HTR4: variants seen among roughly 807,000 people sequenced by gnomAD.
The protein encoded by HTR4 is 5-hydroxytryptamine receptor 4.
A neutral mutation model predicts 36.8 loss-of-function variants in HTR4; 16 were observed. The ratio of observed to expected loss-of-function variants is 0.43; its 90% CI spans 0.29 to 0.66. The LOEUF is 0.66. Among genes scored for constraint, HTR4 ranks in the 30% least tolerant of loss-of-function variants. The pLI, the probability that HTR4 is intolerant of heterozygous loss-of-function variation, is 0.13. For missense variants in HTR4, 438 were observed against 490.9 expected, an observed-to-expected ratio of 0.89 and a Z score of 1.02; for synonymous variants, 189 against 185.1, an observed-to-expected ratio of 1.02 and a Z score of -0.17.
intron 5 of HTR4, among the ~76,000 whole-genome samples, chr5:148,513,299 A>G (rs1757582831): frequency 1.3e-5 from 2 of 152,164 alleles, no homozygotes; most frequent in Non-Finnish European, 2.9e-5. Context: ...CAGTTTTTAC[A>G]TTTAATGCTT....
chr5:148,628,069 G>T (rs915739850), intron 2 of HTR4, among the ~76,000 whole-genome samples: 8 of 152,216 alleles, frequency 5.3e-5, no homozygotes, highest in Admixed American at 1.3e-4. Context: ...ATTCCAGAGT[G>T]CCCAGCTTCC....
chr5:148,523,084 G>A, intron 5 of HTR4, 109 bp downstream of exon 5: 1 of 1,073,200 alleles, frequency 9.3e-7, no homozygotes, highest in Admixed American at 2.6e-5. Flanking sequence ...TTATCACCCA[G>A]ACCACTATCA....
intron 2 of HTR4, among the ~76,000 whole-genome samples, chr5:148,582,883 G>T (rs1379450267): frequency 6.6e-6 from 1 of 151,974 alleles, no homozygotes; most frequent in African/African-American, 2.4e-5. Flanking sequence ...TCTGCAAACA[G>T]GGACAATTTG....
At chr5:148,480,482 A>G (rs1755840971), downstream of HTR4, among the ~76,000 whole-genome samples, 1 of 152,166 alleles carries the variant, frequency 6.6e-6, no homozygotes, top group Non-Finnish European at 1.5e-5. Flanking sequence ...GGATTTAAGC[A>G]ATTCTCCTGC....
intron 5 of HTR4, chr5:148,465,916 G>GGAAC: frequency 6.2e-7 from 1 of 1,613,314 alleles, no homozygotes; most frequent in Non-Finnish European, 8.5e-7. Context: ...TGGAGACAGG[G>GGAAC]GAACAGCCAC....
chr5:148,511,715 G>A (rs1757508989), intron 5 of HTR4, among the ~76,000 whole-genome samples: 1 of 151,176 alleles, frequency 6.6e-6, no homozygotes, highest in Non-Finnish European at 1.5e-5. Flanking sequence ...CATAGCTTGG[G>A]TATATACAGC....
At chr5:148,467,592 A>G (rs1755460602) in intron 5 of HTR4, among the ~76,000 whole-genome samples, 1 of 152,248 alleles carries the variant, frequency 6.6e-6, no homozygotes, top group Non-Finnish European at 1.5e-5. Flanking sequence ...AATGTCACAC[A>G]ATAATGTTAA....
At chr5:148,576,559 A>C (rs142484499) in intron 2 of HTR4, among the ~76,000 whole-genome samples, 9 of 152,216 alleles carry the variant, frequency 5.9e-5, no homozygotes, top group Non-Finnish European at 1.2e-4. Flanking sequence ...ATGTTACCTG[A>C]CTTCAAACTC....
intron 6 of HTR4, among the ~76,000 whole-genome samples, chr5:148,488,021 T>C (rs1300287903): frequency 6.6e-6 from 1 of 152,198 alleles, no homozygotes; most frequent in African/African-American, 2.4e-5. Flanking sequence ...TTAGGTGCTT[T>C]TCATGTGATG....
chr5:148,479,967 A>T (rs899487994), downstream of HTR4, among the ~76,000 whole-genome samples: 4 of 152,198 alleles, frequency 2.6e-5, no homozygotes, highest in African/African-American at 9.7e-5. Flanking sequence ...GATCAGGAAA[A>T]TTTTCAAAAG....
intron 2 of HTR4, among the ~76,000 whole-genome samples, chr5:148,614,247 A>G (rs957881048): frequency 2.0e-5 from 3 of 152,096 alleles, no homozygotes; most frequent in Non-Finnish European, 4.4e-5. Context: ...CAAAAGAACA[A>G]AGCTGGAGGC....
At chr5:148,627,157 T>G (rs1753141553) in intron 2 of HTR4, among the ~76,000 whole-genome samples, 1 of 152,184 alleles carries the variant, frequency 6.6e-6, no homozygotes, top group African/African-American at 2.4e-5. Context: ...CTCAGGCCCC[T>G]CCTCTTGTCA....
At position 148,644,422 on chromosome 5, in the gene HTR4, GTTTTTTTT is replaced by G. The variant is rs1175588280; in HGVS notation, c.-47-7369_-47-7362del. Among the ~76,000 whole-genome samples, 87 of 40,604 alleles carry G rather than the reference GTTTTTTTT, an allele frequency of 2.1e-3. 1 individual carries two copies. In the East Asian group the frequency reaches 0.041, roughly 19 times the overall value. 26.6% of individuals were successfully genotyped at this position (40,604 alleles called of 152,430 possible). ...AGATGAATAGGTCTCAAGCTCACAA[GTTTTTTTT>G]TTTTTTTTTTTTTTTTTTTTTTTTT... On this transcript the variant is annotated intron_variant, in intron 1 of 6. Transcript: ENST00000377888.
intron 6 of HTR4, among the ~76,000 whole-genome samples, chr5:148,489,661 A>G (rs1224711432): frequency 6.6e-6 from 1 of 152,196 alleles, no homozygotes; most frequent in Non-Finnish European, 1.5e-5. Flanking sequence ...CAGAGACAAT[A>G]TAATTCGCTA....
chr5:148,576,184 C>T (rs933495768), intron 2 of HTR4, among the ~76,000 whole-genome samples: 12 of 146,836 alleles, frequency 8.2e-5, no homozygotes, highest in East Asian at 4.0e-4. Flanking sequence ...ACAACAGCCA[C>T]GCCGAGAGCC....
chr5:148,458,109 AAATAGATC>A (rs1561558917), intron 5 of HTR4, among the ~76,000 whole-genome samples: 1 of 51,278 alleles, frequency 2.0e-5, no homozygotes, highest in African/African-American at 5.0e-5. Context: ...AATATCTATT[AAATAGATC>A]TTAAAATATA....
rs114575049 is a variant in HTR4, at chr5:148,491,911, C to T, written c.1077-8618G>A. 3.4e-3 allele frequency among the ~76,000 whole-genome samples: 523 copies of T among 152,264 alleles called. 1 individual carries two copies. The highest frequency in any genetic ancestry group is 9.1e-3 in the African/African-American group (378 of 41,558). ...AGCTCCTAAAATAAATGGATTTCTGCTTCCCAACCAGACCCAATTAAAATG... is the reference window on the plus strand; with the variant it reads ...AGCTCCTAAAATAAATGGATTTCTGTTTCCCAACCAGACCCAATTAAAATG... On this transcript the variant is annotated intron_variant, in intron 6 of 6. Coordinates refer to ENST00000377888, the MANE Select transcript of HTR4 (RefSeq NM_000870.7).
intron 5 of HTR4, among the ~76,000 whole-genome samples, chr5:148,458,099 A>AAG (rs1180001538): frequency 7.4e-4 from 40 of 53,792 alleles, no homozygotes; most frequent in African/African-American, 1.9e-3. Flanking sequence ...ATTATATTTT[A>AAG]ATATCTATTA....
In HTR4 at chr5:148,577,843, A is replaced by G. The variant is rs536131737; in HGVS notation, c.27-27581T>C. On this transcript the variant is annotated intron_variant, in intron 2 of 6. Transcript: ENST00000377888. Reference sequence around the variant, plus strand: ...AGGGTGGAGGGTGAGAGGAGGGAGGAGAGCAGAAAAGATAACTATTGGGTG... The same window carrying G: ...AGGGTGGAGGGTGAGAGGAGGGAGGGGAGCAGAAAAGATAACTATTGGGTG... Among the ~76,000 whole-genome samples the G allele has an allele frequency of 6.9e-3, 1,042 of 152,076 alleles. 11 individuals carry two copies. Among genetic ancestry groups the G allele is most frequent in the African/African-American group, 0.024 (1,001 of 41,512 alleles).
Sources: allele counts gnomAD v4.1 joint callset (sites outside exome capture counted in the v4.1 genomes callset), GRCh38; gene constraint gnomAD v4.1.1; transcripts MANE v1.5; gene names NCBI Gene and HGNC (gene_info 2026-07-23, HGNC 2026-07-21).